The following ZFHX3 variants were observed in gnomAD, a reference collection of about 807,000 sequenced individuals.
ZFHX3 encodes zinc finger homeobox 3, also known as zinc finger homeobox protein 3.
A neutral mutation model predicts 279.1 loss-of-function variants in ZFHX3; 42 were observed. The ratio of observed to expected loss-of-function variants is 0.15; its 90% CI spans 0.12 to 0.19. The LOEUF (loss-of-function observed/expected upper bound fraction) is 0.19, where lower values mean the gene tolerates loss of function less well. Among genes scored for constraint, ZFHX3 ranks in the 10% least tolerant of loss-of-function variants. The pLI, the probability that ZFHX3 is intolerant of heterozygous loss-of-function variation, is 1.00. For missense variants in ZFHX3, 4,981 were observed against 4,754.0 expected, an observed-to-expected ratio of 1.05 and a Z score of -1.40; for synonymous variants, 2,293 against 1,957.8, an observed-to-expected ratio of 1.17 and a Z score of -4.52.
chr16:73,398,581 C>T (rs751668487), intron 3 of ZFHX3, among the ~76,000 whole-genome samples: 1 of 152,138 alleles, frequency 6.6e-6, no homozygotes, highest in Non-Finnish European at 1.5e-5. Flanking sequence ...AACACAGAAA[C>T]CAGCAAATTA....
intron 2 of ZFHX3, among the ~76,000 whole-genome samples, chr16:73,645,969 T>G (rs1597044868): frequency 6.6e-6 from 1 of 152,172 alleles, no homozygotes; most frequent in East Asian, 1.9e-4. Flanking sequence ...GTTGCAGATG[T>G]GAGGAAATGA....
At chr16:72,853,622 T>C (rs1402164482) in intron 4 of ZFHX3, among the ~76,000 whole-genome samples, 2 of 152,234 alleles carry the variant, frequency 1.3e-5, no homozygotes, top group Non-Finnish European at 2.9e-5. Flanking sequence ...CTCTGAGATC[T>C]GGTTCTTGGA....
intron 2 of ZFHX3, among the ~76,000 whole-genome samples, chr16:73,563,510 GC>G (rs1026977809): frequency 2.0e-5 from 3 of 151,952 alleles, no homozygotes; most frequent in Admixed American, 2.0e-4. Flanking sequence ...GCCCGCCTCA[GC>G]CTCCCTGAAA....
intron 8 of ZFHX3, among the ~76,000 whole-genome samples, chr16:73,085,050 T>C (rs1965995858): frequency 1.3e-5 from 2 of 151,196 alleles, no homozygotes; most frequent in Admixed American, 6.6e-5. Flanking sequence ...AAAAAAAAAG[T>C]CCTAGAACCA....
At chr16:73,141,714 C>G (rs939556398) in intron 6 of ZFHX3, among the ~76,000 whole-genome samples, 1 of 152,158 alleles carries the variant, frequency 6.6e-6, no homozygotes, top group South Asian at 2.1e-4. Flanking sequence ...AATAAATTTT[C>G]TCATTTAATC....
intron 1 of ZFHX3, among the ~76,000 whole-genome samples, chr16:73,831,406 T>C (rs551223495): frequency 6.6e-6 from 1 of 152,248 alleles, no homozygotes; most frequent in Non-Finnish European, 1.5e-5. Flanking sequence ...AATAAGTTAG[T>C]GCTATCGTTT....
chr16:73,107,203 G>A (rs898640060), intron 7 of ZFHX3, among the ~76,000 whole-genome samples: 25 of 152,104 alleles, frequency 1.6e-4, no homozygotes, highest in African/African-American at 4.3e-4. Context: ...TCAGCTACTC[G>A]GGACTCTGAG....
At chr16:73,250,689 A>C (rs972166363) in intron 5 of ZFHX3, among the ~76,000 whole-genome samples, 1 of 149,542 alleles carries the variant, frequency 6.7e-6, no homozygotes, top group Non-Finnish European at 1.5e-5. Context: ...GCCCGCCACC[A>C]CGTCTGGCTA....
At chr16:73,686,189 G>A (rs930678775) in intron 1 of ZFHX3, among the ~76,000 whole-genome samples, 3 of 152,010 alleles carry the variant, frequency 2.0e-5, no homozygotes, top group African/African-American at 2.4e-5. Context: ...TCCACCTCCC[G>A]GGTTCAAGCA....
Position 73,801,054 on chromosome 16 carries a change from T to G in ZFHX3, c.-1608+90597A>C, listed in dbSNP as rs534828526. 1.6e-4 allele frequency among the ~76,000 whole-genome samples: 24 copies of G among 152,306 alleles called. No individual in the cohort carries two copies. The South Asian group carries it at 5.0e-3, about 32-fold the overall frequency. On this transcript the variant is annotated intron_variant, in intron 1 of 17. Transcript: ENST00000641206. The stretch of plus-strand genomic sequence containing the variant: ...CAACAGCATTGACACTGCCTGGAAA[T>G]GAATGCTACCACTTAGATTCTAATA...
At chr16:73,133,716 G>A (rs913258082) in intron 6 of ZFHX3, among the ~76,000 whole-genome samples, 7 of 152,296 alleles carry the variant, frequency 4.6e-5, no homozygotes, top group South Asian at 2.1e-4. Flanking sequence ...CACCTAATTT[G>A]TGGTACTTTC....
chr16:73,069,984 A>G (rs1237306544), intron 8 of ZFHX3, among the ~76,000 whole-genome samples: 1 of 152,196 alleles, frequency 6.6e-6, no homozygotes, highest in Non-Finnish European at 1.5e-5. Flanking sequence ...TGGAAAAATT[A>G]CCTGCTTCAT....
At chr16:73,753,039 T>C (rs773330163) in intron 1 of ZFHX3, among the ~76,000 whole-genome samples, 3 of 152,272 alleles carry the variant, frequency 2.0e-5, no homozygotes, top group Non-Finnish European at 4.4e-5. Flanking sequence ...CATTTTTGTG[T>C]GTATTGTTGG....
chr16:73,279,363 G>A (rs1297410967), intron 4 of ZFHX3, among the ~76,000 whole-genome samples: 1 of 152,024 alleles, frequency 6.6e-6, no homozygotes, highest in African/African-American at 2.4e-5. Flanking sequence ...GAAGTATACA[G>A]TGTATTTACG....
rs1042548011 is a variant in ZFHX3, at chr16:73,195,248, C to T, written c.-1103-51417G>A. On this transcript the variant is annotated intron_variant, in intron 5 of 17. Transcript: ENST00000641206. ...GTTTGGAAAAGGGAGAAGGGGAGGACCCTTTGTTTTTTCTATTAAGGGCTG... is the reference window on the plus strand; with the variant it reads ...GTTTGGAAAAGGGAGAAGGGGAGGATCCTTTGTTTTTTCTATTAAGGGCTG... Among the ~76,000 whole-genome samples, 4 of 152,072 alleles carry T rather than the reference C, an allele frequency of 2.6e-5. No homozygotes were observed. The South Asian group carries it at 6.2e-4, about 24-fold the overall frequency.
intron 1 of ZFHX3, among the ~76,000 whole-genome samples, chr16:73,023,323 G>A (rs751450066): frequency 1.1e-4 from 17 of 152,178 alleles, no homozygotes; most frequent in Non-Finnish European, 2.1e-4. Flanking sequence ...TGCAACCTCC[G>A]CACAGAGACT....
chr16:73,238,885 C>T (rs1460403926), intron 5 of ZFHX3, among the ~76,000 whole-genome samples: 1 of 152,194 alleles, frequency 6.6e-6, no homozygotes, highest in Non-Finnish European at 1.5e-5. Context: ...AACTCCTCCT[C>T]CCCTTTCAAG....
At chr16:73,774,421 C>A (rs2054053911) in intron 1 of ZFHX3, among the ~76,000 whole-genome samples, 1 of 152,074 alleles carries the variant, frequency 6.6e-6, no homozygotes, top group Admixed American at 6.5e-5. Flanking sequence ...ACAACCATAC[C>A]CATGACACAC....
chr16:73,812,752 T>C (rs1211192960), intron 1 of ZFHX3: 1 of 152,178 alleles, frequency 6.6e-6, no homozygotes, highest in East Asian at 1.9e-4. Flanking sequence ...GTTTGATAAA[T>C]GAGTGAGTGA....
Sources: gnomAD v4.1 joint callset for allele counts (sites outside exome capture counted in the v4.1 genomes callset) on GRCh38, gnomAD v4.1.1 for gene constraint, MANE v1.5 for transcripts, NCBI Gene and HGNC (gene_info 2026-07-23, HGNC 2026-07-21) for gene names.